The following RBP7 variants were observed in gnomAD, a reference collection of about 807,000 sequenced individuals.
RBP7 encodes retinol binding protein 7, also known as retinoid-binding protein 7.
RBP7 carries 13 observed loss-of-function variants against 16.7 expected under a neutral mutation model. The observed-to-expected ratio is 0.78, with a 90% CI of 0.51 to 1.24. The LOEUF (loss-of-function observed/expected upper bound fraction) is 1.24, where lower values mean the gene tolerates loss of function less well. Ranked by LOEUF, RBP7 falls within the 50% of genes most tolerant of loss-of-function variation. The pLI, the probability that RBP7 is intolerant of heterozygous loss-of-function variation, is 0.00. For synonymous variants in RBP7, 54 were observed against 56.2 expected, an observed-to-expected ratio of 0.96 and a Z score of 0.17; for missense variants, 145 against 159.5, an observed-to-expected ratio of 0.91 and a Z score of 0.49.
chr1:10,005,529 AT>A (rs1264405516), intron 1 of RBP7, among the ~76,000 whole-genome samples: 1 of 150,442 alleles, frequency 6.6e-6, no homozygotes, highest in Non-Finnish European at 1.5e-5. Flanking sequence ...GGATGAGGAC[AT>A]TTATACTATT....
chr1:10,004,732 T>C (rs1339379563), intron 1 of RBP7, among the ~76,000 whole-genome samples: 1 of 152,180 alleles, frequency 6.6e-6, no homozygotes, highest in African/African-American at 2.4e-5. Context: ...TTTGCTTACA[T>C]AATAGGGTTT....
intron 1 of RBP7, among the ~76,000 whole-genome samples, chr1:10,006,010 T>C (rs150707920): frequency 5.3e-5 from 8 of 152,278 alleles, no homozygotes; most frequent in South Asian, 2.1e-4. Flanking sequence ...CCTTAAACTA[T>C]TTTCCCAGAA....
intron 3 of RBP7, among the ~76,000 whole-genome samples, chr1:10,013,354 T>C (rs1488160705): frequency 1.3e-5 from 2 of 151,864 alleles, no homozygotes; most frequent in South Asian, 2.1e-4. Context: ...ATTACAGGCA[T>C]GAGCCACCGC....
intron 2 of RBP7, 61 bp downstream of exon 2, chr1:10,007,809 G>C: frequency 2.7e-6 from 4 of 1,482,434 alleles, no homozygotes; most frequent in Non-Finnish European, 3.7e-6. Flanking sequence ...CACTTTGGGA[G>C]GCCAACGCAG....
chr1:10,015,166 G>A (rs1557488561), intron 3 of RBP7, among the ~76,000 whole-genome samples: 1 of 151,998 alleles, frequency 6.6e-6, no homozygotes, highest in Non-Finnish European at 1.5e-5. Flanking sequence ...TAGGGGTCAG[G>A]CGCAGTAGCT....
chr1:10,007,735 A>G lies in RBP7; in HGVS notation c.239A>G (p.Asn80Ser). ...EFDEDNRGLDNRKCKSLVIWD... is the reference protein window; with the variant it reads ...EFDEDNRGLDSRKCKSLVIWD... ...GATGAAGATAACAGAGGCCTGGACA[A>G]CAGAAAATGCAAGGTAAAATGTAAA... Residue 80 changes from asparagine to serine, a missense_variant, in exon 2 of 4, where the codon AAC becomes AGC. By Grantham distance (46) the Asn-to-Ser change is conservative (BLOSUM62 1). Transcript: ENST00000294435. The G allele has an allele frequency of 6.2e-7, 1 of 1,611,468 alleles. No homozygotes were observed. Among genetic ancestry groups the G allele is most frequent in the Non-Finnish European group, 8.5e-7 (1 of 1,179,406 alleles).
At chr1:10,000,511 G>A (rs1642248167) in intron 1 of RBP7, among the ~76,000 whole-genome samples, 1 of 151,410 alleles carries the variant, frequency 6.6e-6, no homozygotes, top group Non-Finnish European at 1.5e-5. Flanking sequence ...TCTAGCCTGG[G>A]CAACAGCATG....
rs1484290271 is a variant in RBP7, at chr1:9,997,716, A to AG, written c.73+391dup. 2.6e-5 allele frequency among the ~76,000 whole-genome samples: 4 copies of AG among 151,050 alleles called. No individual in the cohort carries two copies. Among genetic ancestry groups the AG allele is most frequent in the African/African-American group, 4.9e-5 (2 of 41,074 alleles). ...CTGCAGACTCGGGGTCCGGCCGGGG[A>AG]GGGGGGTCCGGCCGGGGAGGGGGCG... On this transcript the variant is annotated intron_variant, in intron 1 of 3. Transcript: ENST00000294435. The surrounding 1 kb of genome is among the most constrained non-coding windows in gnomAD (Gnocchi z 5.9).
intron 1 of RBP7, among the ~76,000 whole-genome samples, chr1:10,005,910 G>C (rs1417479319): frequency 6.6e-6 from 1 of 151,842 alleles, no homozygotes; most frequent in Non-Finnish European, 1.5e-5. Context: ...CCCTCTCCCC[G>C]ATTCTGCGGC....
intron 3 of RBP7, among the ~76,000 whole-genome samples, chr1:10,008,565 C>T (rs993116251): frequency 2.0e-5 from 3 of 151,564 alleles, no homozygotes; most frequent in Non-Finnish European, 2.9e-5. Flanking sequence ...CTCAGCCTCC[C>T]GAGTAGCTGG....
intron 1 of RBP7, among the ~76,000 whole-genome samples, chr1:10,000,951 G>T (rs574345808): frequency 1.3e-5 from 2 of 152,114 alleles, no homozygotes; most frequent in East Asian, 1.9e-4. Flanking sequence ...GGCCAGGCTG[G>T]TCTTGAACTC....
intron 3 of RBP7, among the ~76,000 whole-genome samples, chr1:10,012,428 T>C (rs1325213339): frequency 2.0e-5 from 3 of 151,472 alleles, no homozygotes; most frequent in Non-Finnish European, 4.4e-5. Context: ...ATACGTAATA[T>C]GGAATTTCAA....
At position 9,997,300 on chromosome 1, in the gene RBP7, C is replaced by G; in HGVS notation, c.42C>G (p.Ser14Arg). The change falls in exon 1 of 4, where the codon AGC becomes AGG. Residue 14 changes from serine to arginine, a missense_variant. Transcript: ENST00000294435. The surrounding 1 kb of genome is among the most constrained non-coding windows in gnomAD (Gnocchi z 5.9). Reference protein sequence around the residue: ...DLSGTWTLLSSDNFEGYMLAL... With the variant: ...DLSGTWTLLSRDNFEGYMLAL... The stretch of plus-strand genomic sequence containing the variant: ...GCGGTACTTGGACCCTGCTCAGCAG[C>G]GACAACTTCGAGGGCTACATGCTGG... 1 of 1,611,498 alleles carries G rather than the reference C, an allele frequency of 6.2e-7. No homozygotes were observed. Among genetic ancestry groups the G allele is most frequent in the Non-Finnish European group, 8.5e-7 (1 of 1,179,170 alleles).
chr1:10,005,637 C>T (rs1401454755), intron 1 of RBP7, among the ~76,000 whole-genome samples: 2 of 151,464 alleles, frequency 1.3e-5, no homozygotes, highest in Non-Finnish European at 2.9e-5. Flanking sequence ...GATCTCGGCT[C>T]ACTGCAGCCT....
rs147114124 is a variant in RBP7 at position 10,004,984 on chromosome 1, C to A, written c.74-2586C>A. ...GTCCAGCCTGGGCAACAGAATGAGA[C>A]CCTGTCTCAAAAAAATAATAATAAT... On this transcript the variant is annotated intron_variant, in intron 1 of 3. Transcript: ENST00000294435. Among the ~76,000 whole-genome samples, 489 of 151,990 alleles carry A rather than the reference C, an allele frequency of 3.2e-3. 5 individuals are homozygous for A. Among genetic ancestry groups the A allele is most frequent in the African/African-American group, 0.011 (442 of 41,464 alleles).
intron 3 of RBP7, among the ~76,000 whole-genome samples, chr1:10,010,235 C>T (rs1200848752): frequency 6.6e-6 from 1 of 152,106 alleles, no homozygotes; most frequent in Non-Finnish European, 1.5e-5. Flanking sequence ...CCTGTCTCAG[C>T]CTCCCAAGTA....
At chr1:10,015,049 C>A (rs1642739884) in intron 3 of RBP7, among the ~76,000 whole-genome samples, 1 of 152,144 alleles carries the variant, frequency 6.6e-6, no homozygotes. Flanking sequence ...CCTTTGGTGT[C>A]AGAAGTGTTG....
At chr1:10,012,259 T>C (rs1019264432) in intron 3 of RBP7, among the ~76,000 whole-genome samples, 4 of 148,122 alleles carry the variant, frequency 2.7e-5, no homozygotes, top group Admixed American at 1.4e-4. Context: ...CAGGCACCTG[T>C]AATCCCAGCT....
At chr1:10,005,615 G>A (rs1459115387) in intron 1 of RBP7, among the ~76,000 whole-genome samples, 1 of 151,230 alleles carries the variant, frequency 6.6e-6, no homozygotes, top group African/African-American at 2.4e-5. Flanking sequence ...CCAGGCTGGA[G>A]TGCAGTCGCA....
Sources: gnomAD v4.1 joint callset for allele counts (sites outside exome capture counted in the v4.1 genomes callset) on GRCh38, gnomAD v4.1.1 for gene constraint, Gnocchi (gnomAD v3.1) non-coding constraint, MANE v1.5 for transcripts, NCBI Gene and HGNC (gene_info 2026-07-23, HGNC 2026-07-21) for gene names.